The following ROR1 variants were observed in gnomAD, a reference collection of about 807,000 sequenced individuals.
The protein encoded by ROR1 is ROR family WNT receptor 1.
In ROR1, 19 loss-of-function variants were observed where a neutral mutation model predicts 78.8. The ratio of observed to expected loss-of-function variants is 0.24; its 90% CI spans 0.17 to 0.35. The LOEUF (loss-of-function observed/expected upper bound fraction) is 0.35. Among genes scored for constraint, ROR1 ranks in the 10% least tolerant of loss-of-function variants. ROR1 has a pLI of 1.00. For missense variants in ROR1, 917 were observed against 1,177.8 expected, an observed-to-expected ratio of 0.78 and a Z score of 3.24; for synonymous variants, 386 against 433.6, an observed-to-expected ratio of 0.89 and a Z score of 1.36.
intron 3 of ROR1, among the ~76,000 whole-genome samples, chr1:64,050,245 C>T (rs1006074297): frequency 6.6e-6 from 1 of 152,162 alleles, no homozygotes; most frequent in Non-Finnish European, 1.5e-5. Context: ...TTGAAACCAT[C>T]GTGCCGTTGA....
intron 1 of ROR1, among the ~76,000 whole-genome samples, chr1:63,889,907 A>T (rs1557546117): frequency 6.6e-6 from 1 of 152,140 alleles, no homozygotes. Flanking sequence ...TCCAAGAAGG[A>T]TACTAATAAA....
chr1:64,144,880 G>C (rs1569850539), intron 7 of ROR1, among the ~76,000 whole-genome samples: 1 of 152,160 alleles, frequency 6.6e-6, no homozygotes, highest in Admixed American at 6.5e-5. Flanking sequence ...TCATGTTTAA[G>C]TGCCTGGGTT....
chr1:64,076,282 A>T (rs1004134357), intron 4 of ROR1, among the ~76,000 whole-genome samples: 6 of 152,210 alleles, frequency 3.9e-5, no homozygotes, highest in Non-Finnish European at 8.8e-5. Flanking sequence ...GTCACCAGTA[A>T]GCCTTGCCCA....
intron 4 of ROR1, among the ~76,000 whole-genome samples, chr1:64,070,321 A>T (rs777705633): frequency 6.6e-6 from 1 of 151,872 alleles, no homozygotes; most frequent in South Asian, 2.1e-4. Flanking sequence ...CCCACCTTTA[A>T]GCTTCAGTTT....
chr1:63,806,510 A>G (rs555985777), intron 1 of ROR1, among the ~76,000 whole-genome samples: 31 of 152,042 alleles, frequency 2.0e-4, no homozygotes, highest in South Asian at 1.0e-3. Context: ...GTAGAGACGG[A>G]GTTTCACTGC....
chr1:64,076,872 G>A (rs762127771), intron 4 of ROR1, among the ~76,000 whole-genome samples: 8 of 151,944 alleles, frequency 5.3e-5, no homozygotes, highest in African/African-American at 1.5e-4. Context: ...TATTAATAAT[G>A]GTAAGAGGAA....
intron 1 of ROR1, among the ~76,000 whole-genome samples, chr1:63,940,424 T>C (rs1215231201): frequency 6.6e-6 from 1 of 151,832 alleles, no homozygotes; most frequent in Non-Finnish European, 1.5e-5. Flanking sequence ...TTGAATAAAA[T>C]ATGAAGCCAC....
chr1:63,919,356 T>C (rs1182001026), intron 1 of ROR1, among the ~76,000 whole-genome samples: 1 of 152,214 alleles, frequency 6.6e-6, no homozygotes, highest in African/African-American at 2.4e-5. Context: ...GAGGTTTTTC[T>C]TTTAATCAGC....
intron 1 of ROR1, among the ~76,000 whole-genome samples, chr1:63,979,321 C>A (rs1446932251): frequency 6.6e-6 from 1 of 151,974 alleles, no homozygotes; most frequent in East Asian, 1.9e-4. Context: ...AAGAGTTCAA[C>A]TGAAAAGAAT....
At chr1:64,140,003 C>CGA (rs1312000198) in intron 5 of ROR1, 106 bp from the exon 6 acceptor site, 1 of 1,027,380 alleles carries the variant, frequency 9.7e-7, no homozygotes. Flanking sequence ...TGTTTCAGCA[C>CGA]GGCGGATTCC....
At chr1:64,050,117 G>C in intron 3 of ROR1, 139 bp downstream of exon 3, 1 of 962,864 alleles carries the variant, frequency 1.0e-6, no homozygotes. Flanking sequence ...ACCTGGTATG[G>C]TTGTACCCAT....
chr1:63,804,805 A>G (rs889916550), intron 1 of ROR1, among the ~76,000 whole-genome samples: 17 of 152,210 alleles, frequency 1.1e-4, no homozygotes, highest in South Asian at 4.2e-4. Flanking sequence ...AAGGGACCCC[A>G]TTCTTGTTCC....
intron 2 of ROR1, among the ~76,000 whole-genome samples, chr1:64,032,172 C>T (rs1646666004): frequency 6.6e-6 from 1 of 151,752 alleles, no homozygotes; most frequent in South Asian, 2.1e-4. Flanking sequence ...GAAACCCCGT[C>T]TCTACTAAAC....
At chr1:64,109,592 A>G (rs1255064084) in intron 4 of ROR1, among the ~76,000 whole-genome samples, 7 of 152,094 alleles carry the variant, frequency 4.6e-5, no homozygotes, top group African/African-American at 1.7e-4. Context: ...AAAAATCACA[A>G]TCTCGGCTCA....
At chr1:64,137,571 C>T in intron 5 of ROR1, 75 bp downstream of exon 5, 1 of 1,446,866 alleles carries the variant, frequency 6.9e-7, no homozygotes, top group East Asian at 2.3e-5. Flanking sequence ...TTGAGCTCCT[C>T]TCTTGACAAA....
At chr1:63,985,158 C>T (rs1190108688) in intron 1 of ROR1, among the ~76,000 whole-genome samples, 1 of 152,156 alleles carries the variant, frequency 6.6e-6, no homozygotes, top group East Asian at 1.9e-4. Context: ...TATCTGCCTC[C>T]ATCTCCTTTC....
chr1:63,944,999 G>C (rs1322852434), intron 1 of ROR1, among the ~76,000 whole-genome samples: 1 of 152,152 alleles, frequency 6.6e-6, no homozygotes, highest in Non-Finnish European at 1.5e-5. Context: ...ACCCAGACCA[G>C]TTAGAATCCA....
At position 63,837,464 on chromosome 1, in the gene ROR1, G is replaced by A. The variant is rs145946570; in HGVS notation, c.91+62956G>A. Among the ~76,000 whole-genome samples, 4 of 152,160 alleles carry A rather than the reference G, an allele frequency of 2.6e-5. No individual in the cohort carries two copies. In the East Asian group the frequency reaches 7.7e-4, roughly 29 times the overall value. On this transcript the variant is annotated intron_variant, in intron 1 of 8. Coordinates refer to ENST00000371079, the MANE Select transcript of ROR1 (RefSeq NM_005012.4). ...CATTAGACTGAACTCAGTACTTTCT[G>A]GCCAGTAGAGCAGGTTTTTTTCTTT...
chr1:64,079,227 A>G (rs2100628679), intron 4 of ROR1, among the ~76,000 whole-genome samples: 2 of 152,352 alleles, frequency 1.3e-5, no homozygotes, highest in South Asian at 4.1e-4. Context: ...CATTAAAAAC[A>G]TTAAAATGTG....
Sources: allele counts gnomAD v4.1 joint callset (sites outside exome capture counted in the v4.1 genomes callset), GRCh38; gene constraint gnomAD v4.1.1; transcripts MANE v1.5; gene names NCBI Gene and HGNC (gene_info 2026-07-23, HGNC 2026-07-21).